COL22A1: variants seen among roughly 807,000 people sequenced by gnomAD.
The protein encoded by COL22A1 is collagen type XXII alpha 1 chain, also known as collagen alpha-1(XXII) chain.
COL22A1 carries 221 observed loss-of-function variants against 248.9 expected under a neutral mutation model. That is an observed-to-expected ratio of 0.89 (90% CI 0.80 to 0.99). The LOEUF (loss-of-function observed/expected upper bound fraction) is 0.99. Ranked by LOEUF, COL22A1 falls within the 50% of genes least tolerant of loss-of-function variation. COL22A1 has a pLI of 0.00. For synonymous variants in COL22A1, 891 were observed against 793.4 expected, an observed-to-expected ratio of 1.12 and a Z score of -2.07; for missense variants, 2,240 against 2,179.0, an observed-to-expected ratio of 1.03 and a Z score of -0.56.
chr8:138,592,937 AT>A (rs1369174263), intron 63 of COL22A1, among the ~76,000 whole-genome samples: 2 of 152,210 alleles, frequency 1.3e-5, no homozygotes, highest in African/African-American at 2.4e-5. Context: ...TTGCAGCACT[AT>A]TTACAATAGC....
At chr8:138,645,296 T>C (rs1305809583) in intron 47 of COL22A1, among the ~76,000 whole-genome samples, 1 of 152,160 alleles carries the variant, frequency 6.6e-6, no homozygotes, top group African/African-American at 2.4e-5. Flanking sequence ...CACCTCTTTA[T>C]GAATAATCAT....
chr8:138,617,076 G>T, intron 53 of COL22A1, 118 bp from the exon 54 acceptor site: 1 of 1,035,280 alleles, frequency 9.7e-7, no homozygotes, highest in Non-Finnish European at 1.5e-6. Flanking sequence ...TTTACCATTT[G>T]CAGGATACTG....
chr8:138,762,434 C>A lies in COL22A1; in HGVS notation c.1836G>T (p.Lys612Asn), dbSNP rs528072247. 1 of 1,614,094 alleles carries A rather than the reference C, an allele frequency of 6.2e-7. No individual in the cohort carries two copies. The highest frequency in any genetic ancestry group is 2.2e-5 in the East Asian group (1 of 44,872). ...CTACCTGCTGTCCTGTGTCCCCAGG[C>A]TTCCCAGGGAATCCATCCAGGCCTC... ...GERGLDGFPG[K>N]PGDTGQQGRP... The change falls in exon 17 of 65, where the codon AAG becomes AAT. Residue 612 changes from lysine (K) to asparagine (N), a missense_variant. By Grantham distance (94) the Lys-to-Asn change is moderately conservative. Transcript: ENST00000303045.
In COL22A1 at chr8:138,685,191, C is replaced by A; in HGVS notation, c.2967+17G>T. 1.9e-6 allele frequency: 3 copies of A among 1,555,550 alleles called. No individual in the cohort carries two copies. Among genetic ancestry groups the A allele is most frequent in the Non-Finnish European group, 1.8e-6 (2 of 1,132,456 alleles). The stretch of plus-strand genomic sequence containing the variant: ...CCTGGTTTCTACAGGCACTGGGACC[C>A]CCGACCTTCCACTTACCGGCTCTCC... On this transcript the variant is annotated intron_variant, in intron 38 of 64. Coordinates refer to ENST00000303045, the MANE Select transcript of COL22A1 (RefSeq NM_152888.3).
At position 138,780,988 on chromosome 8, in the gene COL22A1, C is replaced by T. The variant is rs746578997; in HGVS notation, c.1597-8G>A. 2 of 1,583,886 alleles carry T rather than the reference C, an allele frequency of 1.3e-6. No individual in the cohort carries two copies. Among genetic ancestry groups the T allele is most frequent in the Middle Eastern group, 1.7e-4 (1 of 5,896 alleles). The stretch of plus-strand genomic sequence containing the variant: ...GGGCAGGCCCAGGGAACCCTAAAGC[C>T]AAAAAAAGAGAATAGCAATTAGTAA... On this transcript the variant is annotated splice_region_variant and splice_polypyrimidine_tract_variant and intron_variant, in intron 12 of 64. Coordinates refer to ENST00000303045, the MANE Select transcript of COL22A1 (RefSeq NM_152888.3).
At chr8:138,807,957 G>A in intron 9 of COL22A1, 145 bp from the exon 10 acceptor site, 1 of 744,484 alleles carries the variant, frequency 1.3e-6, no homozygotes, top group South Asian at 1.7e-5. Context: ...CAAGGAAATT[G>A]GTTGACTGTG....
intron 18 of COL22A1, among the ~76,000 whole-genome samples, chr8:138,756,082 T>A (rs1227177281): frequency 6.6e-6 from 1 of 152,160 alleles, no homozygotes; most frequent in African/African-American, 2.4e-5. Flanking sequence ...GCACATCCAA[T>A]CTAGTGCCTA....
intron 30 of COL22A1, among the ~76,000 whole-genome samples, chr8:138,714,483 T>G: frequency 6.6e-6 from 1 of 152,192 alleles, no homozygotes; most frequent in South Asian, 2.1e-4. Context: ...TCTGTTTTTC[T>G]GCCCAGAATG....
chr8:138,749,087 T>C (rs1197327753), intron 22 of COL22A1, among the ~76,000 whole-genome samples: 7 of 152,206 alleles, frequency 4.6e-5, no homozygotes, highest in East Asian at 1.9e-4. Context: ...AAGGCATGTC[T>C]TTCACCTTCT....
chr8:138,857,492 G>C (rs537518096), intron 3 of COL22A1, among the ~76,000 whole-genome samples: 2 of 152,270 alleles, frequency 1.3e-5, no homozygotes, highest in South Asian at 2.1e-4. Flanking sequence ...TCACAGCAAG[G>C]CACCTGAGGC....
intron 30 of COL22A1, among the ~76,000 whole-genome samples, chr8:138,706,016 A>T (rs1640232555): frequency 6.6e-6 from 1 of 152,230 alleles, no homozygotes; most frequent in Non-Finnish European, 1.5e-5. Flanking sequence ...ACTTTAAAGC[A>T]ACAAAGATCA....
intron 16 of COL22A1, among the ~76,000 whole-genome samples, chr8:138,769,694 G>A (rs898124770): frequency 3.3e-5 from 5 of 152,132 alleles, no homozygotes; most frequent in East Asian, 1.9e-4. Flanking sequence ...AGATGAATGC[G>A]GGCATCTGTA....
At chr8:138,859,805 C>A (rs1822317315) in intron 3 of COL22A1, among the ~76,000 whole-genome samples, 1 of 152,210 alleles carries the variant, frequency 6.6e-6, no homozygotes. Flanking sequence ...ACCTTTGCAT[C>A]CCTGCATGGC....
At chr8:138,599,043 G>A (rs772373670) in intron 60 of COL22A1, 145 bp from the exon 61 acceptor site, 1 of 750,494 alleles carries the variant, frequency 1.3e-6, no homozygotes, top group Non-Finnish European at 2.3e-6. Flanking sequence ...GGCTTGGGGT[G>A]AGAAGAGCCC....
At chr8:138,605,696 G>A (rs1316470302) in intron 58 of COL22A1, among the ~76,000 whole-genome samples, 1 of 152,110 alleles carries the variant, frequency 6.6e-6, no homozygotes, top group East Asian at 1.9e-4. Flanking sequence ...AGCAGTCCAG[G>A]GAGTGGACTG....
chr8:138,781,041 G>T (rs1433971332), intron 12 of COL22A1, 61 bp from the exon 13 acceptor site: 4 of 1,229,666 alleles, frequency 3.3e-6, no homozygotes, highest in Non-Finnish European at 4.6e-6. Flanking sequence ...CTCTCAGAAT[G>T]CTAGTGCAGT....
intron 32 of COL22A1, 67 bp downstream of exon 32, chr8:138,700,045 G>C (rs1827825092): frequency 6.7e-7 from 1 of 1,487,532 alleles, no homozygotes; most frequent in African/African-American, 1.4e-5. Flanking sequence ...CAGGCTCCCA[G>C]GCCACACTGG....
chr8:138,786,111 T>C (rs1247693966), intron 12 of COL22A1, among the ~76,000 whole-genome samples: 1 of 152,198 alleles, frequency 6.6e-6, no homozygotes, highest in Non-Finnish European at 1.5e-5. Context: ...TCTTCATTTG[T>C]AAATAGGGAT....
intron 58 of COL22A1, 44 bp downstream of exon 58, chr8:138,606,337 C>G: frequency 1.3e-6 from 2 of 1,562,874 alleles, no homozygotes; most frequent in African/African-American, 1.3e-5. Flanking sequence ...AACATCACTA[C>G]CTGGAGCCAG....
Sources: gnomAD v4.1 joint callset for allele counts (sites outside exome capture counted in the v4.1 genomes callset) on GRCh38, gnomAD v4.1.1 for gene constraint, MANE v1.5 for transcripts, NCBI Gene and HGNC (gene_info 2026-07-23, HGNC 2026-07-21) for gene names.